The following IL1RAPL1 variants were observed in gnomAD, a reference collection of about 807,000 sequenced individuals.
IL1RAPL1 encodes the protein interleukin-1 receptor accessory protein-like 1.
IL1RAPL1 carries 3 observed loss-of-function variants against 48.4 expected under a neutral mutation model. That is an observed-to-expected ratio of 0.06 (90% CI 0.03 to 0.16). The LOEUF (loss-of-function observed/expected upper bound fraction) is 0.16, where lower values mean the gene tolerates loss of function less well. Among genes scored for constraint, IL1RAPL1 ranks in the 10% least tolerant of loss-of-function variants. IL1RAPL1 has a pLI of 1.00. For missense variants in IL1RAPL1, 349 were observed against 530.6 expected, an observed-to-expected ratio of 0.66 and a Z score of 3.36; for synonymous variants, 185 against 187.7, an observed-to-expected ratio of 0.99 and a Z score of 0.12.
chrX:29,027,950 A>G (rs200983217), intron 2 of IL1RAPL1, among the ~76,000 whole-genome samples: 188 of 106,289 alleles, frequency 1.8e-3, no homozygotes, highest in African/African-American at 4.3e-3. Context: ...GTGTGTGTGT[A>G]TATTATATAT....
chrX:28,836,958 G>A (rs1370727992), intron 2 of IL1RAPL1, among the ~76,000 whole-genome samples: 2 of 110,056 alleles, frequency 1.8e-5, no homozygotes, highest in South Asian at 3.9e-4. Flanking sequence ...TTTGCCTGTG[G>A]TTGGCACCTT....
At chrX:29,927,502 C>T (rs1016521761) in intron 8 of IL1RAPL1, among the ~76,000 whole-genome samples, 2 of 111,877 alleles carry the variant, frequency 1.8e-5, no homozygotes, top group African/African-American at 6.5e-5. Context: ...TGCTATATAA[C>T]ATACTTGCTA....
At chrX:28,704,796 T>TCACA (rs201309320) in intron 1 of IL1RAPL1, among the ~76,000 whole-genome samples, 15 of 50,577 alleles carry the variant, frequency 3.0e-4, no homozygotes, top group East Asian at 1.7e-3. Context: ...AGGTTTGAGT[T>TCACA]CACACACACA....
At chrX:29,428,837 C>T (rs185862614) in intron 5 of IL1RAPL1, among the ~76,000 whole-genome samples, 32 of 111,490 alleles carry the variant, frequency 2.9e-4, no homozygotes, top group Admixed American at 4.8e-4. Flanking sequence ...TTTACCAAAC[C>T]GTCAATCAGT....
At chrX:29,770,774 A>C (rs149512904) in intron 6 of IL1RAPL1, among the ~76,000 whole-genome samples, 18 of 112,568 alleles carry the variant, frequency 1.6e-4, no homozygotes, top group African/African-American at 5.2e-4. Flanking sequence ...TTCACATGCT[A>C]TAGTAATTTT....
chrX:28,657,638 T>G (rs1934764100), intron 1 of IL1RAPL1, among the ~76,000 whole-genome samples: 2 of 112,728 alleles, frequency 1.8e-5, no homozygotes, highest in African/African-American at 6.5e-5. Flanking sequence ...ATGTGGGCTG[T>G]CTGACCCCAG....
chrX:29,586,702 AT>A (rs372883500), intron 5 of IL1RAPL1, among the ~76,000 whole-genome samples: 24 of 110,440 alleles, frequency 2.2e-4, no homozygotes, highest in African/African-American at 7.2e-4. Context: ...TGCCTTGCTT[AT>A]TTTTTTTAAT....
intron 1 of IL1RAPL1, among the ~76,000 whole-genome samples, chrX:28,690,968 C>T (rs1284865466): frequency 1.8e-5 from 2 of 111,623 alleles, no homozygotes; most frequent in Admixed American, 9.6e-5. Flanking sequence ...ATTGCAATAA[C>T]GTCTTAACCT....
chrX:28,697,476 A>G (rs1935246487), intron 1 of IL1RAPL1, among the ~76,000 whole-genome samples: 1 of 111,151 alleles, frequency 9.0e-6, no homozygotes, highest in African/African-American at 3.3e-5. Flanking sequence ...AAACATATGT[A>G]ATCTTTTAAT....
At chrX:29,715,435 A>G (rs1005449152) in intron 6 of IL1RAPL1, among the ~76,000 whole-genome samples, 2 of 111,363 alleles carry the variant, frequency 1.8e-5, no homozygotes, top group Non-Finnish European at 1.9e-5. Context: ...TCTAATCTAA[A>G]TAGGAGCTTA....
intron 2 of IL1RAPL1, among the ~76,000 whole-genome samples, chrX:29,112,799 T>TG (rs1001214120): frequency 5.9e-5 from 6 of 101,441 alleles, no homozygotes; most frequent in African/African-American, 2.2e-4. Context: ...TTTGGTTTTT[T>TG]TTTTTTTTTT....
rs1927525778 is a variant in IL1RAPL1 at position 29,717,850 on chromosome X, T to G, written c.778+49346T>G. Among the ~76,000 whole-genome samples, 3 of 112,051 alleles carry G rather than the reference T, an allele frequency of 2.7e-5. No individual in the cohort carries two copies. The Admixed American group carries it at 2.8e-4, about 11-fold the overall frequency. On this transcript the variant is annotated intron_variant, in intron 6 of 10. Coordinates refer to ENST00000378993, the MANE Select transcript of IL1RAPL1 (RefSeq NM_014271.4). ...GTATCCCAGGTTTACTGATAAGAAT[T>G]ACCTGGAGTGCCTTTCAACCAACAG...
intron 1 of IL1RAPL1, among the ~76,000 whole-genome samples, chrX:28,656,749 G>A (rs917308545): frequency 4.5e-5 from 5 of 111,575 alleles, no homozygotes; most frequent in African/African-American, 6.5e-5. Context: ...TTTTACGGCC[G>A]GGCGTGGTGG....
chrX:29,782,520 A>G (rs1929370506), intron 6 of IL1RAPL1, among the ~76,000 whole-genome samples: 1 of 111,170 alleles, frequency 9.0e-6, no homozygotes, highest in Non-Finnish European at 1.9e-5. Context: ...TTCTCTATCC[A>G]TTACAGAGTC....
At chrX:28,898,358 C>A (rs1166966733) in intron 2 of IL1RAPL1, among the ~76,000 whole-genome samples, 1 of 111,907 alleles carries the variant, frequency 8.9e-6, no homozygotes, top group Non-Finnish European at 1.9e-5. Flanking sequence ...ACAAAAATTT[C>A]TCCTGTATTT....
intron 5 of IL1RAPL1, among the ~76,000 whole-genome samples, chrX:29,604,249 CT>C (rs1923817736): frequency 9.0e-6 from 1 of 111,705 alleles, no homozygotes; most frequent in Non-Finnish European, 1.9e-5. Flanking sequence ...TTATAAGTGT[CT>C]GATGTAAACT....
At chrX:28,597,344 A>G (rs777290875) in intron 1 of IL1RAPL1, among the ~76,000 whole-genome samples, 42 of 111,702 alleles carry the variant, frequency 3.8e-4, no homozygotes, top group Non-Finnish European at 6.2e-4. Context: ...GTGACTCCTG[A>G]GTTTCACGCT....
At chrX:29,654,548 A>C (rs1439321341) in intron 5 of IL1RAPL1, among the ~76,000 whole-genome samples, 1 of 111,684 alleles carries the variant, frequency 9.0e-6, no homozygotes, top group Admixed American at 9.5e-5. Context: ...CATTTATAAA[A>C]CCAGTAGATG....
At chrX:29,582,266 T>C (rs773093541) in intron 5 of IL1RAPL1, among the ~76,000 whole-genome samples, 1 of 111,751 alleles carries the variant, frequency 8.9e-6, no homozygotes. Flanking sequence ...ACTCAGAAAT[T>C]GGAAACTATG....
Sources: allele counts gnomAD v4.1 joint callset (sites outside exome capture counted in the v4.1 genomes callset), GRCh38; gene constraint gnomAD v4.1.1; transcripts MANE v1.5; gene names NCBI Gene and HGNC (gene_info 2026-07-23, HGNC 2026-07-21).